The following REDIC1 variants were observed in gnomAD, a reference collection of about 807,000 sequenced individuals.
REDIC1 encodes the protein regulator of DNA class I crossover intermediates 1.
chr12:39,748,964 G>T, the REDIC1 span, among the ~76,000 whole-genome samples: 13 of 152,022 alleles, frequency 8.6e-5, no homozygotes, highest in Admixed American at 5.2e-4. Context: ...ACAAGAGAAA[G>T]CAGGAAAGAT....
At chr12:39,697,817 TAAAAGG>T in the REDIC1 span, among the ~76,000 whole-genome samples, 3,070 of 152,012 alleles carry the variant, frequency 0.02, 41 homozygotes, top group Non-Finnish European at 0.028. Flanking sequence ...TCAGCTTTAC[TAAAAGG>T]AAGACAAGAA....
chr12:39,627,921 G>A, the REDIC1 span, among the ~76,000 whole-genome samples: 1 of 152,202 alleles, frequency 6.6e-6, no homozygotes, highest in Non-Finnish European at 1.5e-5. Flanking sequence ...TTCATTGACA[G>A]TAGTGAAGTT....
chr12:39,885,403 T>C, the REDIC1 span, among the ~76,000 whole-genome samples: 1 of 152,086 alleles, frequency 6.6e-6, no homozygotes, highest in Non-Finnish European at 1.5e-5. Flanking sequence ...ATCTAACATG[T>C]AAGAAGTACA....
chr12:39,627,417 A>C, the REDIC1 span, among the ~76,000 whole-genome samples: 3 of 152,240 alleles, frequency 2.0e-5, no homozygotes. Flanking sequence ...ATTAAATAGG[A>C]TTATATGAAA....
the REDIC1 span, chr12:39,745,832 G>A: frequency 1.3e-5 from 2 of 152,210 alleles, no homozygotes; most frequent in Admixed American, 6.5e-5. Context: ...ATGGTGCCAT[G>A]TTGCTGTTTT....
At chr12:39,703,667 T>G in the REDIC1 span, among the ~76,000 whole-genome samples, 1 of 152,144 alleles carries the variant, frequency 6.6e-6, no homozygotes, top group African/African-American at 2.4e-5. Context: ...TCACACTACC[T>G]GACTTCAAAC....
the REDIC1 span, among the ~76,000 whole-genome samples, chr12:39,773,634 T>C: frequency 6.6e-6 from 1 of 152,264 alleles, no homozygotes; most frequent in Non-Finnish European, 1.5e-5. Flanking sequence ...ATAAGTAGTA[T>C]ATTCCTTGCT....
At chr12:39,833,854 C>T in the REDIC1 span, among the ~76,000 whole-genome samples, 1 of 150,562 alleles carries the variant, frequency 6.6e-6, no homozygotes, top group Non-Finnish European at 1.5e-5. Context: ...AGCTCACACC[C>T]TAATCTTTTC....
the REDIC1 span, among the ~76,000 whole-genome samples, chr12:39,896,894 T>C: frequency 6.6e-6 from 1 of 152,156 alleles, no homozygotes; most frequent in Non-Finnish European, 1.5e-5. Context: ...ACACGTGTCC[T>C]TTTCCCATTT....
the REDIC1 span, chr12:39,683,569 G>A: frequency 3.6e-6 from 4 of 1,120,540 alleles, no homozygotes; most frequent in Non-Finnish European, 5.2e-6. Context: ...AAGTGAGGTA[G>A]GCGTATTGCC....
At chr12:39,681,562 C>G in the REDIC1 span, among the ~76,000 whole-genome samples, 1 of 152,158 alleles carries the variant, frequency 6.6e-6, no homozygotes, top group Admixed American at 6.5e-5. Flanking sequence ...ATATTTTCCT[C>G]ATGTTAATGG....
At chr12:39,867,425 C>T in the REDIC1 span, among the ~76,000 whole-genome samples, 2 of 151,656 alleles carry the variant, frequency 1.3e-5, no homozygotes, top group Non-Finnish European at 2.9e-5. Context: ...GGCCACCATA[C>T]TATACATTTT....
At chr12:39,790,423 T>C in the REDIC1 span, among the ~76,000 whole-genome samples, 1 of 140,150 alleles carries the variant, frequency 7.1e-6, no homozygotes, top group Non-Finnish European at 1.5e-5. Context: ...CCTGTGTCCA[T>C]GTGATCTCAT....
chr12:39,692,145 A>G, the REDIC1 span: 2 of 1,458,404 alleles, frequency 1.4e-6, no homozygotes, highest in East Asian at 5.1e-5. Context: ...ATTTTACTCT[A>G]TTTTAAAAAC....
chr12:39,724,437 G>A, the REDIC1 span, among the ~76,000 whole-genome samples: 8 of 151,994 alleles, frequency 5.3e-5, no homozygotes, highest in African/African-American at 1.7e-4. Flanking sequence ...TTAACCTTAA[G>A]TTGCTCACAA....
the REDIC1 span, among the ~76,000 whole-genome samples, chr12:39,724,562 T>A: frequency 4.6e-3 from 693 of 152,258 alleles, 3 homozygotes; most frequent in African/African-American, 0.015. Flanking sequence ...TGAATCCTTG[T>A]CTCATTGTTT....
chr12:39,716,645 T>G, the REDIC1 span: 1 of 708,390 alleles, frequency 1.4e-6, no homozygotes, highest in Non-Finnish European at 2.3e-6. Context: ...TTTAAAGTGT[T>G]TTGTGTTGTT....
At chr12:39,896,785 A>G in the REDIC1 span, among the ~76,000 whole-genome samples, 1 of 152,126 alleles carries the variant, frequency 6.6e-6, no homozygotes, top group Admixed American at 6.5e-5. Flanking sequence ...AGGTTATAAA[A>G]GTTGCATATA....
the REDIC1 span, chr12:39,646,823 AT>A: frequency 1.3e-6 from 2 of 1,538,886 alleles, no homozygotes; most frequent in South Asian, 1.2e-5. Context: ...TTTAACCTAA[AT>A]TTTTCTTTTC....
Sources: allele counts gnomAD v4.1 joint callset (sites outside exome capture counted in the v4.1 genomes callset), GRCh38; gene constraint gnomAD v4.1.1; transcripts MANE v1.5; gene names NCBI Gene and HGNC (gene_info 2026-07-23, HGNC 2026-07-21).